TMEM182: variants seen among roughly 807,000 people sequenced by gnomAD.
TMEM182 encodes the protein transmembrane protein 182.
TMEM182 carries 20 observed loss-of-function variants against 26.8 expected under a neutral mutation model. That is an observed-to-expected ratio of 0.75 (90% CI 0.53 to 1.09). The LOEUF (loss-of-function observed/expected upper bound fraction) is 1.09, where lower values mean the gene tolerates loss of function less well. Among genes scored for constraint, TMEM182 ranks in the 50% least tolerant of loss-of-function variants. TMEM182 has a pLI of 0.00. For synonymous variants in TMEM182, 109 were observed against 102.2 expected, an observed-to-expected ratio of 1.07 and a Z score of -0.40; for missense variants, 277 against 275.5, an observed-to-expected ratio of 1.01 and a Z score of -0.04.
chr2:102,773,524 G>A (rs755025099), intron 3 of TMEM182, among the ~76,000 whole-genome samples: 10 of 111,810 alleles, frequency 8.9e-5, no homozygotes, highest in Non-Finnish European at 1.6e-4. Context: ...CTTGATGGGT[G>A]ACAACAACAG....
chr2:102,798,355 C>G (rs1302757607), intron 4 of TMEM182, among the ~76,000 whole-genome samples: 2 of 152,076 alleles, frequency 1.3e-5, no homozygotes, highest in Non-Finnish European at 2.9e-5. Flanking sequence ...TAACCTCTTA[C>G]CCTATTAATT....
At chr2:102,747,206 T>C (rs1258539741) in intron 1 of TMEM182, among the ~76,000 whole-genome samples, 2 of 152,182 alleles carry the variant, frequency 1.3e-5, no homozygotes, top group Non-Finnish European at 2.9e-5. Flanking sequence ...CATAGTGAGA[T>C]GTATACATAT....
upstream of TMEM182, among the ~76,000 whole-genome samples, chr2:102,758,711 A>G (rs766256714): frequency 6.6e-6 from 1 of 152,162 alleles, no homozygotes. Flanking sequence ...ATTGATTTCT[A>G]TTTTATTTCA....
At chr2:102,836,371 GT>G (rs1445641712) in intron 3 of TMEM182, among the ~76,000 whole-genome samples, 1 of 152,192 alleles carries the variant, frequency 6.6e-6, no homozygotes, top group African/African-American at 2.4e-5. Context: ...GAGAATGCCT[GT>G]TGTTCCACAT....
chr2:102,762,232 C>T lies in TMEM182; in HGVS notation c.15C>T (p.Ile5=), dbSNP rs751766940. MRLN[I]AIFFGALFGA... ...GTGAATTGAAAATGAGACTAAATAT[C>T]GCTATCTTCTTTGGAGCTCTCTTTG... The change falls in exon 1 of 5, where the codon ATC becomes ATT. Residue 5 remains isoleucine, a synonymous_variant. Coordinates refer to ENST00000412401, the MANE Select transcript of TMEM182 (RefSeq NM_144632.5). The T allele has an allele frequency of 4.0e-5, 64 of 1,610,306 alleles. No homozygotes were observed. The East Asian group carries it at 4.0e-4, about 10-fold the overall frequency.
chr2:102,800,842 T>TG (rs1298742340), intron 4 of TMEM182, among the ~76,000 whole-genome samples: 1 of 145,968 alleles, frequency 6.9e-6, no homozygotes, highest in Non-Finnish European at 1.5e-5. Flanking sequence ...TGTGTGTGTG[T>TG]TTAGTAGCTT....
intron 3 of TMEM182, among the ~76,000 whole-genome samples, chr2:102,791,900 T>A: frequency 6.6e-6 from 1 of 152,010 alleles, no homozygotes; most frequent in Non-Finnish European, 1.5e-5. Flanking sequence ...ACCAACTCAG[T>A]TTTCTCTGAG....
At chr2:102,745,768 G>A (rs1057346228) in intron 1 of TMEM182, among the ~76,000 whole-genome samples, 1 of 152,100 alleles carries the variant, frequency 6.6e-6, no homozygotes, top group African/African-American at 2.4e-5. Flanking sequence ...CCTTCAGCAT[G>A]ATTTCAGGGT....
downstream of TMEM182, among the ~76,000 whole-genome samples, chr2:102,820,828 A>G (rs979169153): frequency 6.6e-6 from 1 of 152,178 alleles, no homozygotes; most frequent in Non-Finnish European, 1.5e-5. Context: ...AGTTGAAAGG[A>G]CTTGCTGTGA....
At chr2:102,790,465 CCA>C (rs1681588293) in intron 3 of TMEM182, among the ~76,000 whole-genome samples, 2 of 152,180 alleles carry the variant, frequency 1.3e-5, no homozygotes, top group Non-Finnish European at 2.9e-5. Context: ...CTAACTTTTT[CCA>C]TTGAATTCAG....
In TMEM182 at chr2:102,817,288, T is replaced by C. The variant is rs559992221; in HGVS notation, c.*2320T>C. 3.0e-6 allele frequency: 3 copies of C among 985,400 alleles called. No homozygotes were observed. In the African/African-American group the frequency reaches 5.2e-5, roughly 17 times the overall value. The allele number at this position is 985,400 out of a possible 1,614,324, so 61.0% of individuals were successfully genotyped here. On this transcript the variant is annotated 3_prime_UTR_variant, in exon 5 of 5. Transcript: ENST00000412401. ...AATTTTTAGAAGCCTTTAAACTGTG[T>C]TAGAATCTTTTTGAAAAATGTTGAT...
At chr2:102,779,378 G>A (rs888314883) in intron 3 of TMEM182, among the ~76,000 whole-genome samples, 1 of 152,110 alleles carries the variant, frequency 6.6e-6, no homozygotes, top group South Asian at 2.1e-4. Flanking sequence ...GATGACTTTG[G>A]AAAGTTTCAG....
chr2:102,751,212 C>T (rs931105976), intron 1 of TMEM182, among the ~76,000 whole-genome samples: 1 of 152,036 alleles, frequency 6.6e-6, no homozygotes, highest in Non-Finnish European at 1.5e-5. Context: ...GTGGGTCTTC[C>T]GGCCCACTAC....
intron 3 of TMEM182, 36 bp downstream of exon 3, chr2:102,764,463 G>A: frequency 1.9e-6 from 3 of 1,571,346 alleles, no homozygotes; most frequent in Non-Finnish European, 2.6e-6. Flanking sequence ...CTTCTAAAAG[G>A]GTCTTATCTT....
In TMEM182 at chr2:102,817,673, G is replaced by A. The variant is rs1682801713; in HGVS notation, c.*2705G>A. ...AAATGGAATTATAAAGGAATATATT[G>A]GAGGAAGTGTCAGTGTTGGTAATTA... On this transcript the variant is annotated 3_prime_UTR_variant, in exon 5 of 5. Coordinates refer to ENST00000412401, the MANE Select transcript of TMEM182 (RefSeq NM_144632.5). 2.0e-6 allele frequency: 2 copies of A among 982,974 alleles called. No homozygotes were observed. Among genetic ancestry groups the A allele is most frequent in the Non-Finnish European group, 2.4e-6 (2 of 827,890 alleles). The allele number at this position is 982,974 out of a possible 1,614,324, so 60.9% of individuals were successfully genotyped here. A position where few individuals can be genotyped will look rare whatever the true frequency, so the allele number is the denominator to read the frequency against.
intron 3 of TMEM182, among the ~76,000 whole-genome samples, chr2:102,777,245 C>G (rs1680957217): frequency 6.6e-6 from 1 of 151,906 alleles, no homozygotes; most frequent in Non-Finnish European, 1.5e-5. Context: ...CCTAGAGTTT[C>G]CCTTATTTTC....
chr2:102,768,062 GC>G (rs1162846698), intron 3 of TMEM182, among the ~76,000 whole-genome samples: 1 of 152,058 alleles, frequency 6.6e-6, no homozygotes, highest in Non-Finnish European at 1.5e-5. Flanking sequence ...TTCCTTACCT[GC>G]CCCTACGCCA....
In TMEM182 at chr2:102,816,899, T is replaced by C; in HGVS notation, c.*1931T>C. 1 of 985,794 alleles carries C rather than the reference T, an allele frequency of 1.0e-6. No homozygotes were observed. 61.1% of individuals were successfully genotyped at this position (985,794 alleles called of 1,614,324 possible). ...AAGCTGCTTTCGGCAAAGGCTTGAA[T>C]ATTTATAAATTTCAGATGGTTATCC... On this transcript the variant is annotated 3_prime_UTR_variant, in exon 5 of 5. Coordinates refer to ENST00000412401, the MANE Select transcript of TMEM182 (RefSeq NM_144632.5).
downstream of TMEM182, among the ~76,000 whole-genome samples, chr2:102,819,268 A>G (rs537388987): frequency 2.6e-5 from 4 of 152,226 alleles, no homozygotes; most frequent in African/African-American, 9.6e-5. Flanking sequence ...AGATATTTAA[A>G]CAACAAATAC....
Sources: allele counts gnomAD v4.1 joint callset (sites outside exome capture counted in the v4.1 genomes callset), GRCh38; gene constraint gnomAD v4.1.1; transcripts MANE v1.5; gene names NCBI Gene and HGNC (gene_info 2026-07-23, HGNC 2026-07-21).